RAPGEF4: variants seen among roughly 807,000 people sequenced by gnomAD.
RAPGEF4 encodes Rap guanine nucleotide exchange factor 4, also known as RAP guanine-nucleotide-exchange factor (GEF) 4.
In RAPGEF4, 66 loss-of-function variants were observed where a neutral mutation model predicts 147.9. The observed-to-expected ratio is 0.45, with a 90% CI of 0.37 to 0.55. RAPGEF4 has a LOEUF of 0.55. RAPGEF4 is among the 20% of genes least tolerant of loss of function. The pLI is 0.00. For synonymous variants in RAPGEF4, 419 were observed against 442.7 expected (o/e 0.95, Z 0.67); for missense variants, 1,071 against 1,257.3 (o/e 0.85, Z 2.24).
chr2:172,933,327 A>C (rs1192575306), intron 6 of RAPGEF4, among the ~76,000 whole-genome samples: 2 of 152,010 alleles, frequency 1.3e-5, no homozygotes, highest in Non-Finnish European at 2.9e-5. Flanking sequence ...ATTAAATACG[A>C]GGTAAGAGAG....
chr2:172,808,826 C>T (rs1377862614), intron 3 of RAPGEF4, among the ~76,000 whole-genome samples: 1 of 152,204 alleles, frequency 6.6e-6, no homozygotes, highest in East Asian at 1.9e-4. Context: ...GGCTTTTCCA[C>T]TCTGCTGCTT....
chr2:172,820,099 G>T (rs1688926942), intron 4 of RAPGEF4, among the ~76,000 whole-genome samples: 1 of 152,138 alleles, frequency 6.6e-6, no homozygotes, highest in Admixed American at 6.5e-5. Context: ...TTTGTATGAG[G>T]ATGATTTCAG....
chr2:172,975,160 ATT>A (rs1454277284), intron 10 of RAPGEF4, among the ~76,000 whole-genome samples: 1 of 152,226 alleles, frequency 6.6e-6, no homozygotes, highest in Admixed American at 6.5e-5. Flanking sequence ...CCAACTTATA[ATT>A]AATCTGCCTC....
At chr2:172,831,704 C>A (rs1690375872) in intron 4 of RAPGEF4, among the ~76,000 whole-genome samples, 1 of 152,064 alleles carries the variant, frequency 6.6e-6, no homozygotes, top group Non-Finnish European at 1.5e-5. Context: ...AAAGAGGTTA[C>A]CTCCTTCAAT....
At chr2:172,905,952 C>T (rs1699585021) in intron 4 of RAPGEF4, among the ~76,000 whole-genome samples, 1 of 152,166 alleles carries the variant, frequency 6.6e-6, no homozygotes, top group African/African-American at 2.4e-5. Flanking sequence ...GTGCATGTGG[C>T]TTTAAACAGG....
At chr2:172,988,657 G>A (rs2105717600) in intron 13 of RAPGEF4, 36 bp from the exon 14 acceptor site, 2 of 1,587,426 alleles carry the variant, frequency 1.3e-6, no homozygotes. Context: ...CTCTATTTCA[G>A]GGATCTTCTT....
chr2:172,736,685 C>T (rs1200362140), intron 1 of RAPGEF4, among the ~76,000 whole-genome samples: 2 of 152,182 alleles, frequency 1.3e-5, no homozygotes, highest in Non-Finnish European at 2.9e-5. Flanking sequence ...ATGTAACTCC[C>T]GACGACAGCT....
intron 4 of RAPGEF4, among the ~76,000 whole-genome samples, chr2:172,819,029 A>G (rs1164978130): frequency 6.6e-6 from 1 of 152,350 alleles, no homozygotes. Flanking sequence ...CTCTATAAAT[A>G]TATCAAATAA....
rs752157655 is a variant in RAPGEF4, at chr2:172,761,539, A to T, written c.65+25491A>T. Among the ~76,000 whole-genome samples, 25 of 152,320 alleles carry T rather than the reference A, an allele frequency of 1.6e-4. 1 individual carries two copies. The Middle Eastern group carries it at 0.01, about 62-fold the overall frequency. ...TCCTTCAGGAATGAAGGGGGAACCAAGCTGTCTCCAGATGAAGAAAAACTA... is the reference window on the plus strand; with the variant it reads ...TCCTTCAGGAATGAAGGGGGAACCATGCTGTCTCCAGATGAAGAAAAACTA... On this transcript the variant is annotated intron_variant, in intron 1 of 30. Coordinates refer to ENST00000397081, the MANE Select transcript of RAPGEF4 (RefSeq NM_007023.4).
chr2:172,775,418 C>T (rs999733219), intron 1 of RAPGEF4, among the ~76,000 whole-genome samples: 1 of 152,160 alleles, frequency 6.6e-6, no homozygotes, highest in African/African-American at 2.4e-5. Flanking sequence ...ACTGAAATGA[C>T]TAACACTAAA....
intron 1 of RAPGEF4, among the ~76,000 whole-genome samples, chr2:172,781,205 A>C (rs1574814311): frequency 6.6e-6 from 1 of 152,230 alleles, no homozygotes; most frequent in Admixed American, 6.5e-5. Flanking sequence ...AATATTCATA[A>C]ATTTAGAAAG....
intron 6 of RAPGEF4, among the ~76,000 whole-genome samples, chr2:172,959,191 G>A (rs1689037634): frequency 6.6e-6 from 1 of 152,228 alleles, no homozygotes. Context: ...TCTGAAATGG[G>A]TCTCACTGGG....
At chr2:172,940,544 C>T (rs1236921048) in intron 6 of RAPGEF4, among the ~76,000 whole-genome samples, 1 of 152,138 alleles carries the variant, frequency 6.6e-6, no homozygotes, top group Non-Finnish European at 1.5e-5. Context: ...TCACCTTCCA[C>T]CATGAGTAAA....
intron 17 of RAPGEF4, among the ~76,000 whole-genome samples, chr2:173,009,370 G>C (rs1003357677): frequency 6.6e-6 from 1 of 152,190 alleles, no homozygotes; most frequent in African/African-American, 2.4e-5. Context: ...GAAGGCTTTT[G>C]TGTGCCCAGT....
intron 4 of RAPGEF4, among the ~76,000 whole-genome samples, chr2:172,845,238 G>T (rs1692051145): frequency 6.6e-6 from 1 of 152,170 alleles, no homozygotes; most frequent in Admixed American, 6.5e-5. Flanking sequence ...TAGTATTTCT[G>T]CCTGAGCAGC....
intron 25 of RAPGEF4, among the ~76,000 whole-genome samples, chr2:173,028,033 G>T (rs994277316): frequency 3.3e-5 from 5 of 152,208 alleles, no homozygotes; most frequent in Non-Finnish European, 5.9e-5. Context: ...ACCCCAGCTA[G>T]ACAATTTTCT....
intron 4 of RAPGEF4, among the ~76,000 whole-genome samples, chr2:172,827,969 T>C (rs1689859670): frequency 6.6e-6 from 1 of 152,174 alleles, no homozygotes; most frequent in African/African-American, 2.4e-5. Context: ...CTAGTTGTAG[T>C]GCCTCTATTA....
In RAPGEF4 at chr2:173,040,669, C is replaced by CGAT. The variant is rs3835831; in HGVS notation, c.2853+3977_2853+3978insGAT. Among the ~76,000 whole-genome samples the CGAT allele has an allele frequency of 4.5e-4, 69 of 152,288 alleles. 1 individual carries two copies. The East Asian group carries it at 0.013, about 28-fold the overall frequency. The stretch of plus-strand genomic sequence containing the variant: ...TCAAAACATTTCTCTGAAATAGAAC[C>CGAT]AATCTCCTACATCTTCACCCTTGAG... On this transcript the variant is annotated intron_variant, in intron 29 of 30. Transcript: ENST00000397081.
intron 1 of RAPGEF4, among the ~76,000 whole-genome samples, chr2:172,787,300 A>G (rs981713733): frequency 2.0e-5 from 3 of 152,198 alleles, no homozygotes; most frequent in African/African-American, 7.2e-5. Flanking sequence ...GATACTGCTA[A>G]TAGACATTAT....
Sources: allele counts gnomAD v4.1 joint callset (sites outside exome capture counted in the v4.1 genomes callset), GRCh38; gene constraint gnomAD v4.1.1; transcripts MANE v1.5; gene names NCBI Gene and HGNC (gene_info 2026-07-23, HGNC 2026-07-21).